SLC8A1: variants seen among roughly 807,000 people sequenced by gnomAD.
The protein encoded by SLC8A1 is sodium/calcium exchanger 1.
A neutral mutation model predicts 68.3 loss-of-function variants in SLC8A1; 18 were observed. That is an observed-to-expected ratio of 0.26 (90% CI 0.18 to 0.39). SLC8A1 has a LOEUF of 0.39. Among genes scored for constraint, SLC8A1 ranks in the 10% least tolerant of loss-of-function variants. The pLI is 1.00. For missense variants in SLC8A1, 985 were observed against 1,156.7 expected, an observed-to-expected ratio of 0.85 and a Z score of 2.15; for synonymous variants, 475 against 415.5, an observed-to-expected ratio of 1.14 and a Z score of -1.74.
intron 2 of SLC8A1, among the ~76,000 whole-genome samples, chr2:40,425,965 T>C (rs936988752): frequency 1.1e-4 from 17 of 151,950 alleles, no homozygotes; most frequent in Non-Finnish European, 2.5e-4. Context: ...AGCAAAGACA[T>C]GGAATCAACA....
At chr2:40,435,546 G>C (rs971706484) in intron 1 of SLC8A1, among the ~76,000 whole-genome samples, 3 of 152,126 alleles carry the variant, frequency 2.0e-5, no homozygotes, top group African/African-American at 7.2e-5. Context: ...TCACATCATA[G>C]GCTCAAGCCT....
intron 1 of SLC8A1, among the ~76,000 whole-genome samples, chr2:40,441,589 A>G (rs1435157728): frequency 6.6e-6 from 1 of 152,066 alleles, no homozygotes; most frequent in African/African-American, 2.4e-5. Flanking sequence ...ATAGAACAGA[A>G]CAGAGACCTC....
intron 2 of SLC8A1, among the ~76,000 whole-genome samples, chr2:40,426,585 A>G (rs777000069): frequency 7.9e-5 from 12 of 152,076 alleles, no homozygotes; most frequent in Non-Finnish European, 1.3e-4. Flanking sequence ...ACTGCAGAAT[A>G]GATAGGGAAA....
intron 2 of SLC8A1, among the ~76,000 whole-genome samples, chr2:40,344,914 C>G (rs1668784162): frequency 6.6e-6 from 1 of 152,156 alleles, no homozygotes; most frequent in African/African-American, 2.4e-5. Flanking sequence ...CTCTCTTCCT[C>G]TCACACCCAC....
rs1298830863 is a variant in SLC8A1, at chr2:40,493,275, C to T, written c.-25+19074G>A. Among the ~76,000 whole-genome samples the T allele has an allele frequency of 2.1e-5, 3 of 142,774 alleles. No homozygotes were observed. In the Admixed American group the frequency reaches 2.3e-4, roughly 11 times the overall value. 93.7% of individuals were successfully genotyped at this position (142,774 alleles called of 152,430 possible). A position where few individuals can be genotyped will look rare whatever the true frequency, so the allele number is the denominator to read the frequency against. ...AAACCAAACACCGCATATTCTCACT[C>T]ATAGGTGGGAATTGAACAATGAGAA... On this transcript the variant is annotated intron_variant, in intron 1 of 7. Transcript: ENST00000402441.
At chr2:40,185,719 A>T (rs1332986354) in intron 2 of SLC8A1, among the ~76,000 whole-genome samples, 1 of 152,138 alleles carries the variant, frequency 6.6e-6, no homozygotes, top group African/African-American at 2.4e-5. Flanking sequence ...AACCCAACTA[A>T]TTGTATATTT....
At chr2:40,296,261 G>A (rs981086944) in intron 2 of SLC8A1, among the ~76,000 whole-genome samples, 1 of 152,076 alleles carries the variant, frequency 6.6e-6, no homozygotes, top group African/African-American at 2.4e-5. Context: ...CCTTAACTAG[G>A]AGACCCCAAG....
chr2:40,347,668 G>A (rs1370208864), intron 2 of SLC8A1, among the ~76,000 whole-genome samples: 1 of 152,160 alleles, frequency 6.6e-6, no homozygotes, highest in African/African-American at 2.4e-5. Context: ...TTAATCGAAT[G>A]TTATACTAAC....
intron 6 of SLC8A1, among the ~76,000 whole-genome samples, chr2:40,140,239 A>G (rs555064267): frequency 6.6e-6 from 1 of 152,302 alleles, no homozygotes; most frequent in East Asian, 1.9e-4. Context: ...TTACTTGCCA[A>G]ATAATTATAT....
At chr2:40,266,560 G>C (rs2065379147) in intron 2 of SLC8A1, among the ~76,000 whole-genome samples, 1 of 152,128 alleles carries the variant, frequency 6.6e-6, no homozygotes, top group African/African-American at 2.4e-5. Context: ...AGAATGATGC[G>C]TAATGATGCC....
At chr2:40,215,157 A>AATT (rs1428225822) in intron 2 of SLC8A1, among the ~76,000 whole-genome samples, 1 of 152,116 alleles carries the variant, frequency 6.6e-6, no homozygotes, top group Non-Finnish European at 1.5e-5. Flanking sequence ...AATATATGCT[A>AATT]ATTATTATTA....
chr2:40,440,830 T>G (rs575648635), intron 1 of SLC8A1, among the ~76,000 whole-genome samples: 2 of 152,276 alleles, frequency 1.3e-5, no homozygotes, highest in African/African-American at 4.8e-5. Flanking sequence ...TCATACTGAA[T>G]GGGCAAAAGC....
At chr2:40,309,543 G>A (rs982598444) in intron 2 of SLC8A1, among the ~76,000 whole-genome samples, 4 of 126,634 alleles carry the variant, frequency 3.2e-5, no homozygotes, top group Non-Finnish European at 4.7e-5. Context: ...GTCTCGCTCT[G>A]TTGCCCAGGC....
chr2:40,149,399 C>T (rs776035282), intron 6 of SLC8A1, among the ~76,000 whole-genome samples: 4 of 152,042 alleles, frequency 2.6e-5, no homozygotes, highest in African/African-American at 7.2e-5. Flanking sequence ...ATTTCAGATA[C>T]TGATATGAGT....
At chr2:40,226,146 G>A (rs186389021) in intron 2 of SLC8A1, among the ~76,000 whole-genome samples, 63 of 152,194 alleles carry the variant, frequency 4.1e-4, no homozygotes, top group Non-Finnish European at 1.5e-5. Flanking sequence ...GCCTTGCTGT[G>A]ACAGCTACTT....
exon 8 of SLC8A1, chr2:40,098,936 C>T (rs932229248): frequency 1.3e-5 from 2 of 151,926 alleles, no homozygotes; most frequent in African/African-American, 2.4e-5. Flanking sequence ...TTTAACGTTT[C>T]GTTTAGGCCA....
intron 2 of SLC8A1, among the ~76,000 whole-genome samples, chr2:40,296,705 C>T (rs997481141): frequency 5.9e-5 from 9 of 152,024 alleles, no homozygotes; most frequent in African/African-American, 2.2e-4. Flanking sequence ...TATGTTTACT[C>T]TTGTTATGTT....
At chr2:40,451,790 T>C (rs953584868) in intron 1 of SLC8A1, 114 bp downstream of exon 1, 4 of 127,870 alleles carry the variant, frequency 3.1e-5, no homozygotes, top group South Asian at 2.5e-4. Context: ...CACACAAATT[T>C]AGAAGCCGCT....
intron 1 of SLC8A1, among the ~76,000 whole-genome samples, chr2:40,471,444 C>G (rs191448057): frequency 6.6e-6 from 1 of 152,206 alleles, no homozygotes; most frequent in East Asian, 1.9e-4. Context: ...TGACCTCATC[C>G]ATCAATGTCT....
Sources: allele counts gnomAD v4.1 joint callset (sites outside exome capture counted in the v4.1 genomes callset), GRCh38; gene constraint gnomAD v4.1.1; transcripts MANE v1.5; gene names NCBI Gene and HGNC (gene_info 2026-07-23, HGNC 2026-07-21).